SNTG1: variants seen among roughly 807,000 people sequenced by gnomAD.
SNTG1 encodes the protein syntrophin gamma 1.
Under a neutral mutation model 74.7 loss-of-function variants are expected in SNTG1, and 39 were observed. That is an observed-to-expected ratio of 0.52 (90% CI 0.40 to 0.68). The LOEUF (loss-of-function observed/expected upper bound fraction) is 0.68. SNTG1 is among the 30% of genes least tolerant of loss of function. The pLI is 0.00. For synonymous variants in SNTG1, 254 were observed against 217.1 expected (o/e 1.17, Z -1.49); for missense variants, 685 against 609.5 (o/e 1.12, Z -1.30).
chr8:50,096,384 A>C (rs577709657), intron 1 of SNTG1, among the ~76,000 whole-genome samples: 28 of 152,336 alleles, frequency 1.8e-4, no homozygotes, highest in African/African-American at 6.3e-4. Flanking sequence ...TGCAAAACAT[A>C]AAGAAACTTA....
At chr8:50,387,571 A>C (rs1316743622) in intron 2 of SNTG1, among the ~76,000 whole-genome samples, 1 of 152,156 alleles carries the variant, frequency 6.6e-6, no homozygotes, top group African/African-American at 2.4e-5. Context: ...CCAAATTTAC[A>C]TCCAGAATTT....
intron 13 of SNTG1, among the ~76,000 whole-genome samples, chr8:50,600,066 G>T (rs190643515): frequency 1.3e-5 from 2 of 152,140 alleles, no homozygotes; most frequent in South Asian, 4.2e-4. Context: ...TGATCATATG[G>T]TTGTTGTTCC....
At chr8:50,169,435 A>C (rs2082732688) in intron 1 of SNTG1, among the ~76,000 whole-genome samples, 1 of 152,190 alleles carries the variant, frequency 6.6e-6, no homozygotes, top group South Asian at 2.1e-4. Flanking sequence ...CTCCCACTTA[A>C]ATGCAACTTA....
intron 15 of SNTG1, among the ~76,000 whole-genome samples, chr8:50,664,477 C>T (rs186042500): frequency 1.4e-4 from 21 of 152,296 alleles, no homozygotes; most frequent in Non-Finnish European, 2.9e-4. Flanking sequence ...CACTAAGACA[C>T]TTATTGAGTA....
At chr8:50,348,016 T>C (rs781405759) in intron 2 of SNTG1, among the ~76,000 whole-genome samples, 5 of 152,110 alleles carry the variant, frequency 3.3e-5, no homozygotes, top group Non-Finnish European at 7.4e-5. Flanking sequence ...GGTTGAGATC[T>C]ATAGCCAATG....
intron 9 of SNTG1, among the ~76,000 whole-genome samples, chr8:50,522,644 T>A (rs995434297): frequency 6.6e-6 from 1 of 150,790 alleles, no homozygotes; most frequent in African/African-American, 2.4e-5. Context: ...AGAGGTGTGA[T>A]CTACACTAAT....
intron 2 of SNTG1, among the ~76,000 whole-genome samples, chr8:50,214,763 A>G (rs2084696632): frequency 6.6e-6 from 1 of 152,090 alleles, no homozygotes; most frequent in Admixed American, 6.6e-5. Context: ...CTAGGGTTGG[A>G]CACTTAAAAT....
intron 2 of SNTG1, among the ~76,000 whole-genome samples, chr8:50,281,724 C>T (rs367600268): frequency 1.3e-5 from 2 of 152,106 alleles, no homozygotes; most frequent in South Asian, 2.1e-4. Flanking sequence ...CTACATTCAC[C>T]TCCATTTTTA....
intron 13 of SNTG1, among the ~76,000 whole-genome samples, chr8:50,646,462 C>T (rs1233886838): frequency 6.6e-6 from 1 of 152,116 alleles, no homozygotes; most frequent in African/African-American, 2.4e-5. Context: ...TCCTTCTTCA[C>T]TTTAGCTGAA....
chr8:50,580,311 T>A (rs550363523), intron 12 of SNTG1, among the ~76,000 whole-genome samples: 85 of 152,236 alleles, frequency 5.6e-4, no homozygotes, highest in Non-Finnish European at 9.4e-4. Context: ...TTTCACAGGG[T>A]TATAGATGGA....
At chr8:50,364,844 A>G (rs2092062923) in intron 2 of SNTG1, among the ~76,000 whole-genome samples, 1 of 152,076 alleles carries the variant, frequency 6.6e-6, no homozygotes, top group South Asian at 2.1e-4. Flanking sequence ...GACTTCTTAC[A>G]AATCACAAAA....
intron 4 of SNTG1, among the ~76,000 whole-genome samples, chr8:50,405,701 C>T (rs983422810): frequency 3.3e-5 from 5 of 151,986 alleles, no homozygotes; most frequent in Non-Finnish European, 5.9e-5. Context: ...ATACCATCTC[C>T]AATAAATAAT....
intron 1 of SNTG1, among the ~76,000 whole-genome samples, chr8:50,098,686 A>C (rs144896732): frequency 6.6e-6 from 1 of 152,226 alleles, no homozygotes; most frequent in African/African-American, 2.4e-5. Context: ...TCATTTCATA[A>C]TGAGATCCAT....
chr8:50,272,040 C>T (rs968946), intron 2 of SNTG1, among the ~76,000 whole-genome samples: 72,737 of 151,880 alleles, frequency 0.48, 19,646 homozygotes, highest in East Asian at 0.83. Flanking sequence ...CACCAGATAT[C>T]GAATCTGCCT....
intron 1 of SNTG1, among the ~76,000 whole-genome samples, chr8:49,968,395 A>G (rs1811345552): frequency 1.3e-5 from 2 of 152,170 alleles, no homozygotes; most frequent in African/African-American, 4.8e-5. Context: ...CTTGAGAATT[A>G]CCAATAAAGA....
At position 50,449,407 on chromosome 8, in the gene SNTG1, C is replaced by G. The variant is rs1465941854; in HGVS notation, c.220-261C>G. ...GCATTGCTACACATTGAGGAGAATG[C>G]CTATCTAAATACATAATCAATATTT... is the stretch of plus-strand genomic sequence containing the variant. On this transcript the variant is annotated intron_variant, in intron 5 of 18. Coordinates refer to ENST00000642720, the MANE Select transcript of SNTG1 (RefSeq NM_018967.5). Among the ~76,000 whole-genome samples, 4 of 152,128 alleles carry G rather than the reference C, an allele frequency of 2.6e-5. 1 individual carries two copies. The East Asian group carries it at 7.7e-4, about 29-fold the overall frequency.
intron 15 of SNTG1, among the ~76,000 whole-genome samples, chr8:50,688,875 C>A (rs547911074): frequency 1.3e-5 from 2 of 152,072 alleles, no homozygotes; most frequent in East Asian, 1.9e-4. Flanking sequence ...GATATTGATT[C>A]TTCCTACCCA....
intron 1 of SNTG1, among the ~76,000 whole-genome samples, chr8:49,930,102 A>G (rs914848079): frequency 4.6e-5 from 7 of 152,156 alleles, no homozygotes; most frequent in Admixed American, 2.6e-4. Flanking sequence ...TGCTTCGAAA[A>G]CAATTTATAC....
intron 1 of SNTG1, among the ~76,000 whole-genome samples, chr8:50,116,812 C>G (rs554814729): frequency 6.6e-6 from 1 of 152,238 alleles, no homozygotes; most frequent in African/African-American, 2.4e-5. Flanking sequence ...ATTCCAATAA[C>G]TTCTGAGCTC....
Sources: allele counts gnomAD v4.1 joint callset (sites outside exome capture counted in the v4.1 genomes callset), GRCh38; gene constraint gnomAD v4.1.1; transcripts MANE v1.5; gene names NCBI Gene and HGNC (gene_info 2026-07-23, HGNC 2026-07-21).